The following PRRG4 variants were observed in gnomAD, a reference collection of about 807,000 sequenced individuals.
PRRG4 encodes proline rich and Gla domain 4.
Under a neutral mutation model 20.0 loss-of-function variants are expected in PRRG4, and 12 were observed. That is an observed-to-expected ratio of 0.60 (90% CI 0.38 to 0.97). The LOEUF is 0.97. Among genes scored for constraint, PRRG4 ranks in the 50% least tolerant of loss-of-function variants. The probability of loss-of-function intolerance (pLI) is 0.00; values close to 1 mark genes in which losing one functional copy is unlikely to be tolerated. For synonymous variants in PRRG4, 94 were observed against 96.4 expected (o/e 0.98, Z 0.15); for missense variants, 199 against 265.1 (o/e 0.75, Z 1.73).
Position 32,829,984 on chromosome 11 carries a change from G to A in PRRG4, c.-212G>A. 5 of 984,460 alleles carry A rather than the reference G, an allele frequency of 5.1e-6. No individual in the cohort carries two copies. Among genetic ancestry groups the A allele is most frequent in the Non-Finnish European group, 6.0e-6 (5 of 829,398 alleles). The allele number at this position is 984,460 out of a possible 1,614,324, so 61.0% of individuals were successfully genotyped here. A position where few individuals can be genotyped will look rare whatever the true frequency, so the allele number is the denominator to read the frequency against. On this transcript the variant is annotated 5_prime_UTR_variant, in exon 1 of 6. Transcript: ENST00000257836. ...ACCTCACCCCGCGCGTGTTCCCCGG[G>A]CGCCCCTCTGCGAACCCCAGGCCCT...
intron 2 of PRRG4, among the ~76,000 whole-genome samples, chr11:32,834,888 A>G (rs954972881): frequency 6.6e-6 from 1 of 152,212 alleles, no homozygotes; most frequent in African/African-American, 2.4e-5. Context: ...ATCTCAGCTC[A>G]CTGCAACCTC....
At chr11:32,842,276 T>A (rs1312308008) in intron 5 of PRRG4, among the ~76,000 whole-genome samples, 1 of 152,230 alleles carries the variant, frequency 6.6e-6, no homozygotes, top group Non-Finnish European at 1.5e-5. Flanking sequence ...TTGATTTTTT[T>A]AAGATCTTTC....
intron 5 of PRRG4, among the ~76,000 whole-genome samples, chr11:32,842,527 C>A (rs1418060154): frequency 6.6e-6 from 1 of 152,036 alleles, no homozygotes; most frequent in Non-Finnish European, 1.5e-5. Context: ...TCAAGACCAG[C>A]CTGACCAACA....
intron 2 of PRRG4, 106 bp from the exon 3 acceptor site, chr11:32,836,552 A>T: frequency 1.9e-6 from 1 of 531,894 alleles, no homozygotes; most frequent in Non-Finnish European, 3.1e-6. Context: ...AAAGTTTGGT[A>T]TAATTTAGCC....
At position 32,853,965 on chromosome 11, in the gene PRRG4, GA is replaced by G. The variant is rs774254039; in HGVS notation, c.*439del. 67 of 175,370 alleles carry G rather than the reference GA, an allele frequency of 3.8e-4. No individual in the cohort carries two copies. Among genetic ancestry groups the G allele is most frequent in the Non-Finnish European group, 6.8e-4 (55 of 81,174 alleles). 10.9% of individuals were successfully genotyped at this position (175,370 alleles called of 1,614,324 possible). On this transcript the variant is annotated 3_prime_UTR_variant, in exon 6 of 6. Coordinates refer to ENST00000257836, the MANE Select transcript of PRRG4 (RefSeq NM_024081.6). ...AAGACATGACTATCCAACTTTTTAT[GA>G]CAAACTGCAAGGAATAAAGGAAGAA...
chr11:32,838,801 C>A (rs1851048143), intron 3 of PRRG4, 81 bp from the exon 4 acceptor site: 1 of 997,776 alleles, frequency 1.0e-6, no homozygotes, highest in Non-Finnish European at 1.6e-6. Flanking sequence ...AGTTTACTAC[C>A]CCTAGTCTAG....
chr11:32,838,005 A>G (rs1403688508), intron 3 of PRRG4, among the ~76,000 whole-genome samples: 1 of 152,206 alleles, frequency 6.6e-6, no homozygotes, highest in African/African-American at 2.4e-5. Context: ...AAAACGAAGC[A>G]TATACTGTGT....
Position 32,830,164 on chromosome 11 carries a change from G to A in PRRG4, c.-32G>A. On this transcript the variant is annotated 5_prime_UTR_variant, in exon 1 of 6. Coordinates refer to ENST00000257836, the MANE Select transcript of PRRG4 (RefSeq NM_024081.6). ...CCGGGGGCTGCTGGAACATGTGCGG[G>A]GGGACACAGGTACGAGGCCTGGCGG... 1 of 1,026,072 alleles carries A rather than the reference G, an allele frequency of 9.7e-7. No individual in the cohort carries two copies. The highest frequency in any genetic ancestry group is 1.2e-6 in the Non-Finnish European group (1 of 857,262). The allele number at this position is 1,026,072 out of a possible 1,614,324, so 63.6% of individuals were successfully genotyped here.
In PRRG4 at chr11:32,853,532, C is replaced by T. The variant is rs1851203520; in HGVS notation, c.*5C>T. The T allele has an allele frequency of 6.2e-7, 1 of 1,601,684 alleles. No homozygotes were observed. Among genetic ancestry groups the T allele is most frequent in the Admixed American group, 1.7e-5 (1 of 59,998 alleles). ...ATGTCTCTCCCATCTCACTGACTACCTTGTCATTTTGGTATAAGAAATTTG... is the reference window on the plus strand; with the variant it reads ...ATGTCTCTCCCATCTCACTGACTACTTTGTCATTTTGGTATAAGAAATTTG... On this transcript the variant is annotated 3_prime_UTR_variant, in exon 6 of 6. Coordinates refer to ENST00000257836, the MANE Select transcript of PRRG4 (RefSeq NM_024081.6).
Position 32,855,933 on chromosome 11 carries a change from G to T in PRRG4, c.*2406G>T, listed in dbSNP as rs1250453954. ...TTGGTGACAACTGGGTTTAGAATGA[G>T]TGAGCACACTTTTCTAGTCCCATGT... On this transcript the variant is annotated 3_prime_UTR_variant, in exon 6 of 6. Transcript: ENST00000257836. The T allele has an allele frequency of 6.6e-6, 1 of 152,162 alleles. No individual in the cohort carries two copies. The highest frequency in any genetic ancestry group is 1.5e-5 in the Non-Finnish European group (1 of 68,030). The allele number at this position is 152,162 out of a possible 1,614,324, so 9.4% of individuals were successfully genotyped here. A position where few individuals can be genotyped will look rare whatever the true frequency, so the allele number is the denominator to read the frequency against.
chr11:32,839,063 T>C (rs1025799616), intron 4 of PRRG4, 133 bp downstream of exon 4: 2 of 634,500 alleles, frequency 3.2e-6, no homozygotes, highest in Admixed American at 2.6e-5. Context: ...TTCTCAACTA[T>C]GCACCGGGCT....
At chr11:32,847,077 G>A (rs11032017) in intron 5 of PRRG4, among the ~76,000 whole-genome samples, 134,033 of 152,004 alleles carry the variant, frequency 0.88, 59,256 homozygotes, top group East Asian at 0.99. Flanking sequence ...AGAAATATAT[G>A]TATGGAAGCT....
intron 2 of PRRG4, among the ~76,000 whole-genome samples, chr11:32,836,063 T>C (rs1036816734): frequency 6.6e-6 from 1 of 151,926 alleles, no homozygotes; most frequent in African/African-American, 2.4e-5. Context: ...GACTGTGCCA[T>C]TGCACTCCAG....
At position 32,853,427 on chromosome 11, in the gene PRRG4, C is replaced by T. The variant is rs767074713; in HGVS notation, c.581C>T (p.Ala194Val). 32 of 1,613,928 alleles carry T rather than the reference C, an allele frequency of 2.0e-5. No homozygotes were observed. Among genetic ancestry groups the T allele is most frequent in the Non-Finnish European group, 2.5e-5 (30 of 1,179,990 alleles). The change falls in exon 6 of 6, where the codon GCG (alanine) becomes GTG (valine). Residue 194 changes from alanine to valine, a missense_variant. Ala to Val is a moderately conservative substitution (Grantham distance 64). Transcript: ENST00000257836. The stretch of plus-strand genomic sequence containing the variant: ...TTACCTTCTTATGAACAGGCAGTGG[C>T]GCTGACCAGAAAACACAGTGTTTCA... Reference protein sequence around the residue: ...AGLPSYEQAVALTRKHSVSPP... With the variant: ...AGLPSYEQAVVLTRKHSVSPP...
In PRRG4 at chr11:32,853,290, G is replaced by T; in HGVS notation, c.450-6G>T. On this transcript the variant is annotated splice_polypyrimidine_tract_variant and splice_region_variant and intron_variant, in intron 5 of 5. Transcript: ENST00000257836. ...TCCTAGACCTAAATGTTGTCTCTCT[G>T]CTTAGCTCTTCAGCCGTCTATGAAA... 1.2e-6 allele frequency: 2 copies of T among 1,608,278 alleles called. No homozygotes were observed. The highest frequency in any genetic ancestry group is 1.7e-6 in the Non-Finnish European group (2 of 1,174,814).
chr11:32,848,381 G>A (rs1168736920), intron 5 of PRRG4, among the ~76,000 whole-genome samples: 1 of 151,988 alleles, frequency 6.6e-6, no homozygotes, highest in African/African-American at 2.4e-5. Context: ...GTTTTGAGCG[G>A]GGCAAAAACA....
Position 32,843,539 on chromosome 11 carries a change from G to A in PRRG4, c.449+3300G>A, listed in dbSNP as rs1298071550. Among the ~76,000 whole-genome samples the A allele has an allele frequency of 2.0e-5, 3 of 151,744 alleles. No individual in the cohort carries two copies. The East Asian group carries it at 5.9e-4, about 30-fold the overall frequency. On this transcript the variant is annotated intron_variant, in intron 5 of 5. Transcript: ENST00000257836. ...TTTTATGTTTTCAAAAGAAATGTTC[G>A]TTACATGTCCTCCTCTGCAACTTGC... is the stretch of plus-strand genomic sequence containing the variant.
chr11:32,852,772 CT>C (rs531547410), intron 5 of PRRG4, among the ~76,000 whole-genome samples: 2,788 of 126,668 alleles, frequency 0.022, 82 homozygotes, highest in African/African-American at 0.069. Context: ...TCAGATTTCT[CT>C]TTTTTTTTTT....
At chr11:32,833,880 A>T (rs1020992096) in intron 2 of PRRG4, among the ~76,000 whole-genome samples, 3 of 152,094 alleles carry the variant, frequency 2.0e-5, no homozygotes, top group Non-Finnish European at 4.4e-5. Flanking sequence ...CAGAGTGTGG[A>T]CAGGGAGTGC....
Sources: gnomAD v4.1 joint callset for allele counts (sites outside exome capture counted in the v4.1 genomes callset) on GRCh38, gnomAD v4.1.1 for gene constraint, MANE v1.5 for transcripts, NCBI Gene and HGNC (gene_info 2026-07-23, HGNC 2026-07-21) for gene names.